Variants in ARHGEF28 observed in about 807,000 individuals in gnomAD.
ARHGEF28 encodes the protein 190 kDa guanine nucleotide exchange factor.
In ARHGEF28, 152 loss-of-function variants were observed where a neutral mutation model predicts 206.6. The observed-to-expected ratio is 0.74, with a 90% CI of 0.64 to 0.84. ARHGEF28 has a LOEUF of 0.84. Among genes scored for constraint, ARHGEF28 ranks in the 40% least tolerant of loss-of-function variants. The pLI is 0.00. For synonymous variants in ARHGEF28, 763 were observed against 776.4 expected, an observed-to-expected ratio of 0.98 and a Z score of 0.29; for missense variants, 2,028 against 2,073.2, an observed-to-expected ratio of 0.98 and a Z score of 0.42.
intron 2 of ARHGEF28, among the ~76,000 whole-genome samples, chr5:73,720,259 T>C (rs990107204): frequency 4.6e-5 from 7 of 152,142 alleles, no homozygotes; most frequent in African/African-American, 1.7e-4. Flanking sequence ...ACCCCATGAA[T>C]AGACATGACA....
chr5:73,734,757 G>A (rs1750811808), intron 2 of ARHGEF28, among the ~76,000 whole-genome samples: 1 of 152,142 alleles, frequency 6.6e-6, no homozygotes, highest in African/African-American at 2.4e-5. Context: ...TGCCAAATTA[G>A]AGTGAACTGT....
chr5:73,931,124 G>C (rs949103270), intron 35 of ARHGEF28, among the ~76,000 whole-genome samples: 5 of 151,958 alleles, frequency 3.3e-5, no homozygotes, highest in Non-Finnish European at 7.4e-5. Flanking sequence ...AATTTGTCTG[G>C]GCTTAGAATT....
intron 7 of ARHGEF28, among the ~76,000 whole-genome samples, chr5:73,784,605 A>G (rs1754043823): frequency 6.6e-6 from 1 of 152,222 alleles, no homozygotes; most frequent in Non-Finnish European, 1.5e-5. Context: ...TTGAAAAATA[A>G]GGATTCTTTG....
chr5:73,659,012 T>C (rs139874326), intron 1 of ARHGEF28, among the ~76,000 whole-genome samples: 9 of 127,368 alleles, frequency 7.1e-5, no homozygotes, highest in Middle Eastern at 3.9e-3. Flanking sequence ...CACACCACAC[T>C]CACAGGCAGG....
At chr5:73,818,114 G>T (rs973937936) in intron 9 of ARHGEF28, among the ~76,000 whole-genome samples, 2 of 152,148 alleles carry the variant, frequency 1.3e-5, no homozygotes, top group African/African-American at 2.4e-5. Flanking sequence ...AGGGGGCTGG[G>T]AGTGCTTTCC....
In ARHGEF28 at chr5:73,739,810, C is replaced by CTAA. The variant is rs1320780501; in HGVS notation, c.34-10011_34-10009dup. 5.4e-4 allele frequency among the ~76,000 whole-genome samples: 76 copies of CTAA among 141,506 alleles called. No individual in the cohort carries two copies. In the East Asian group the frequency reaches 9.4e-3, roughly 18 times the overall value. The allele number at this position is 141,506 out of a possible 152,430, so 92.8% of individuals were successfully genotyped here. A position where few individuals can be genotyped will look rare whatever the true frequency, so the allele number is the denominator to read the frequency against. On this transcript the variant is annotated intron_variant, in intron 2 of 35. Coordinates refer to ENST00000513042, the MANE Select transcript of ARHGEF28 (RefSeq NM_001177693.2). ...TGGGGTACTGAACAAGGTCCTGTCT[C>CTAA]TAATAATAATAATAATAAAAATAAA...
At chr5:73,824,168 G>T (rs953289889) in intron 9 of ARHGEF28, among the ~76,000 whole-genome samples, 1 of 152,082 alleles carries the variant, frequency 6.6e-6, no homozygotes, top group African/African-American at 2.4e-5. Context: ...TTAGCAAAGG[G>T]GTAGCCTATC....
chr5:73,804,347 C>A (rs140919359), intron 9 of ARHGEF28, among the ~76,000 whole-genome samples: 1 of 152,170 alleles, frequency 6.6e-6, no homozygotes, highest in East Asian at 1.9e-4. Flanking sequence ...TATACTTTAA[C>A]TAGTGTCCTC....
intron 11 of ARHGEF28, 81 bp from the exon 12 acceptor site, chr5:73,846,185 AAT>A: frequency 7.7e-7 from 1 of 1,297,474 alleles, no homozygotes; most frequent in East Asian, 2.5e-5. Flanking sequence ...CCAGTGAAAG[AAT>A]CTGGATTCAG....
At chr5:73,785,965 G>T (rs773455673) in intron 7 of ARHGEF28, among the ~76,000 whole-genome samples, 8 of 150,194 alleles carry the variant, frequency 5.3e-5, no homozygotes, top group Non-Finnish European at 1.0e-4. Context: ...AGGTGGACAC[G>T]TGTCCTTAGG....
intron 35 of ARHGEF28, among the ~76,000 whole-genome samples, chr5:73,924,607 G>A (rs111641466): frequency 6.6e-6 from 1 of 152,106 alleles, no homozygotes; most frequent in African/African-American, 2.4e-5. Context: ...GTTGCTCTGG[G>A]GACCAGAGAG....
chr5:73,747,895 C>T (rs1168529348), intron 2 of ARHGEF28, among the ~76,000 whole-genome samples: 1 of 152,180 alleles, frequency 6.6e-6, no homozygotes, highest in Admixed American at 6.5e-5. Context: ...TGCAATTAAA[C>T]TCTCATAAGC....
intron 4 of ARHGEF28, among the ~76,000 whole-genome samples, chr5:73,761,005 G>A (rs983688455): frequency 1.4e-4 from 21 of 152,122 alleles, no homozygotes; most frequent in African/African-American, 4.3e-4. Flanking sequence ...GTTGGATTCC[G>A]GTCACTCTCT....
At chr5:73,897,781 T>C (rs1490894867) in intron 29 of ARHGEF28, among the ~76,000 whole-genome samples, 181 bp from the exon 30 acceptor site, 1 of 152,250 alleles carries the variant, frequency 6.6e-6, no homozygotes, top group African/African-American at 2.4e-5. Context: ...GTGTGTGGTG[T>C]GCGCGCGTGC....
intron 1 of ARHGEF28, among the ~76,000 whole-genome samples, chr5:73,674,880 C>G (rs1047014528): frequency 8.5e-5 from 13 of 152,272 alleles, no homozygotes; most frequent in African/African-American, 3.1e-4. Flanking sequence ...GGTGGCACAC[C>G]CAGGGGAGGG....
chr5:73,910,014 A>G (rs1468973148), intron 34 of ARHGEF28, 117 bp downstream of exon 34: 1 of 1,359,646 alleles, frequency 7.4e-7, no homozygotes, highest in Non-Finnish European at 9.5e-7. Flanking sequence ...AGACCTCATG[A>G]GGATTTTTCA....
At chr5:73,885,389 C>T (rs1437587947) in intron 24 of ARHGEF28, among the ~76,000 whole-genome samples, 2 of 151,982 alleles carry the variant, frequency 1.3e-5, no homozygotes, top group Non-Finnish European at 2.9e-5. Flanking sequence ...AGCTGAAGCA[C>T]ATTTAATCAT....
intron 22 of ARHGEF28, among the ~76,000 whole-genome samples, chr5:73,882,067 T>A (rs1385894909): frequency 7.9e-6 from 1 of 126,644 alleles, no homozygotes; most frequent in Non-Finnish European, 1.7e-5. Context: ...AAAGTAAATG[T>A]CAAATGAGTG....
At chr5:73,773,065 C>T (rs1320470514) in intron 4 of ARHGEF28, among the ~76,000 whole-genome samples, 1 of 152,228 alleles carries the variant, frequency 6.6e-6, no homozygotes, top group Non-Finnish European at 1.5e-5. Context: ...GAGATTTTAA[C>T]AGCCAATTGT....
Sources: allele counts gnomAD v4.1 joint callset (sites outside exome capture counted in the v4.1 genomes callset), GRCh38; gene constraint gnomAD v4.1.1; transcripts MANE v1.5; gene names NCBI Gene and HGNC (gene_info 2026-07-23, HGNC 2026-07-21).